The following CDK13 variants were observed in gnomAD, a reference collection of about 807,000 sequenced individuals.
CDK13 encodes cyclin-dependent kinase 13.
Under a neutral mutation model 137.6 loss-of-function variants are expected in CDK13, and 40 were observed. That is an observed-to-expected ratio of 0.29 (90% CI 0.23 to 0.38). CDK13 has a LOEUF of 0.38. Ranked by LOEUF, CDK13 falls within the 10% of genes least tolerant of loss-of-function variation. CDK13 has a pLI of 1.00. For missense variants in CDK13, 1,704 were observed against 1,951.8 expected, an observed-to-expected ratio of 0.87 and a Z score of 2.39; for synonymous variants, 869 against 760.1, an observed-to-expected ratio of 1.14 and a Z score of -2.36.
At chr7:40,077,671 A>G (rs920210552) in intron 9 of CDK13, among the ~76,000 whole-genome samples, 2 of 152,140 alleles carry the variant, frequency 1.3e-5, no homozygotes, top group Non-Finnish European at 2.9e-5. Context: ...CCTGGCCAAC[A>G]TGGGGAAATC....
Position 40,054,460 on chromosome 7 carries a change from C to T in CDK13, c.2600+6583C>T, listed in dbSNP as rs139183038. 4.2e-4 allele frequency among the ~76,000 whole-genome samples: 63 copies of T among 150,264 alleles called. 1 individual carries two copies. In the East Asian group the frequency reaches 0.01, roughly 25 times the overall value. On this transcript the variant is annotated intron_variant, in intron 7 of 13. Transcript: ENST00000181839. ...CTTTTTTTTTTTTGAGATGGAGTTTCGCTCTTGTCTCCCAAGCTGGAGTGC... is the reference window on the plus strand; with the variant it reads ...CTTTTTTTTTTTTGAGATGGAGTTTTGCTCTTGTCTCCCAAGCTGGAGTGC...
chr7:39,982,833 C>T (rs1784258129), intron 1 of CDK13, among the ~76,000 whole-genome samples: 1 of 152,178 alleles, frequency 6.6e-6, no homozygotes, highest in South Asian at 2.1e-4. Flanking sequence ...ATTGTCTGTT[C>T]ATATCCTCTG....
intron 5 of CDK13, among the ~76,000 whole-genome samples, chr7:40,021,715 T>C (rs1219402127): frequency 6.6e-6 from 1 of 152,192 alleles, no homozygotes; most frequent in Non-Finnish European, 1.5e-5. Flanking sequence ...TAATTAGAAA[T>C]ATTCAGTTAA....
At chr7:40,049,202 A>G (rs1785822082) in intron 7 of CDK13, 1 of 150,260 alleles carries the variant, frequency 6.7e-6, no homozygotes, top group South Asian at 2.1e-4. Context: ...AAAAAAAAAA[A>G]AAAAGGAAGG....
At chr7:39,997,803 G>T in intron 3 of CDK13, 139 bp downstream of exon 3, 3 of 632,462 alleles carry the variant, frequency 4.7e-6, no homozygotes, top group Non-Finnish European at 7.8e-6. Context: ...TTCTATTAGA[G>T]TTTTGAAAAA....
intron 9 of CDK13, chr7:40,070,725 A>G (rs1268683875): frequency 6.6e-6 from 1 of 152,494 alleles, no homozygotes; most frequent in Non-Finnish European, 1.5e-5. Context: ...AAACAAAACA[A>G]AACAAAAAGT....
intron 5 of CDK13, among the ~76,000 whole-genome samples, chr7:40,013,346 A>C (rs1214647227): frequency 1.3e-5 from 2 of 152,182 alleles, no homozygotes; most frequent in Non-Finnish European, 2.9e-5. Context: ...TGGTTGCACA[A>C]CAGTATGAAT....
At chr7:40,038,884 G>A (rs985021522) in intron 5 of CDK13, among the ~76,000 whole-genome samples, 1 of 151,978 alleles carries the variant, frequency 6.6e-6, no homozygotes, top group African/African-American at 2.4e-5. Context: ...TAGCAGAAAC[G>A]GGGTTTCTTC....
At chr7:40,063,174 G>GT in intron 9 of CDK13, 74 bp downstream of exon 9, 1 of 1,167,400 alleles carries the variant, frequency 8.6e-7, no homozygotes, top group Non-Finnish European at 1.3e-6. Context: ...ACTCTCCCAA[G>GT]TTTGTCTTTT....
chr7:39,966,422 T>C (rs1352928376), intron 1 of CDK13, among the ~76,000 whole-genome samples: 2 of 152,256 alleles, frequency 1.3e-5, no homozygotes, highest in Non-Finnish European at 2.9e-5. Context: ...GCTTGTGCAT[T>C]CATCACGTAG....
At chr7:40,027,774 C>G (rs914185586) in intron 5 of CDK13, among the ~76,000 whole-genome samples, 1 of 147,584 alleles carries the variant, frequency 6.8e-6, no homozygotes, top group Admixed American at 6.9e-5. Flanking sequence ...TGGAGCCTTA[C>G]AGTTCTCTTA....
In CDK13 at chr7:39,982,012, T is replaced by C. The variant is rs182664437; in HGVS notation, c.1212-5587T>C. Among the ~76,000 whole-genome samples, 657 of 151,640 alleles carry C rather than the reference T, an allele frequency of 4.3e-3. 9 individuals carry two copies. The highest frequency in any genetic ancestry group is 8.0e-3 in the Non-Finnish European group (542 of 67,918). ...TTTCTTTTTTCTTCTTTTTTTCTTT[T>C]TTTTTAATTATTATTATTATACTTT... On this transcript the variant is annotated intron_variant, in intron 1 of 13. Coordinates refer to ENST00000181839, the MANE Select transcript of CDK13 (RefSeq NM_003718.5).
chr7:40,047,323 G>A (rs1419078515), intron 6 of CDK13, among the ~76,000 whole-genome samples: 2 of 152,032 alleles, frequency 1.3e-5, no homozygotes, highest in East Asian at 1.9e-4. Context: ...GGTACTGTTT[G>A]TTAATTTAAA....
chr7:40,003,200 A>T (rs868100804), intron 5 of CDK13, among the ~76,000 whole-genome samples: 23,360 of 83,030 alleles, frequency 0.28, 2,495 homozygotes, highest in Middle Eastern at 0.41. Context: ...ACACACACAC[A>T]CACACACTCT....
At chr7:39,951,946 C>T (rs1787234926) in intron 1 of CDK13, 94 bp downstream of exon 1, 2 of 1,239,104 alleles carry the variant, frequency 1.6e-6, no homozygotes, top group South Asian at 3.3e-5. Context: ...CAGAACGACT[C>T]AGGTCCACCA....
At position 40,096,378 on chromosome 7, in the gene CDK13, G is replaced by C. The variant is rs756849656; in HGVS notation, c.*1398G>C. ...TTTTAATGAAGAGCATCAAAGAATG[G>C]AGTAGTCCTTATTTAAACTGTAATG... On this transcript the variant is annotated 3_prime_UTR_variant, in exon 14 of 14. Coordinates refer to ENST00000181839, the MANE Select transcript of CDK13 (RefSeq NM_003718.5). The C allele has an allele frequency of 6.6e-6, 1 of 151,978 alleles. No individual in the cohort carries two copies. Among genetic ancestry groups the C allele is most frequent in the Non-Finnish European group, 1.5e-5 (1 of 67,990 alleles). The allele number at this position is 151,978 out of a possible 1,614,324, so 9.4% of individuals were successfully genotyped here.
intron 2 of CDK13, among the ~76,000 whole-genome samples, chr7:39,992,224 G>GTCT (rs1784479215): frequency 6.6e-6 from 1 of 151,088 alleles, no homozygotes; most frequent in Non-Finnish European, 1.5e-5. Flanking sequence ...CCGAGATGAA[G>GTCT]TCTTGCCCTG....
intron 11 of CDK13, among the ~76,000 whole-genome samples, chr7:40,083,238 A>G (rs1405255493): frequency 1.3e-5 from 2 of 151,698 alleles, no homozygotes; most frequent in African/African-American, 4.8e-5. Context: ...TTGGGAACCA[A>G]CGCAGGAGGA....
chr7:40,011,016 G>A (rs573904572), intron 5 of CDK13, among the ~76,000 whole-genome samples: 7 of 152,096 alleles, frequency 4.6e-5, no homozygotes, highest in Non-Finnish European at 7.4e-5. Flanking sequence ...CAATGAAAAG[G>A]CATTCCATGT....
Sources: gnomAD v4.1 joint callset for allele counts (sites outside exome capture counted in the v4.1 genomes callset) on GRCh38, gnomAD v4.1.1 for gene constraint, MANE v1.5 for transcripts, NCBI Gene and HGNC (gene_info 2026-07-23, HGNC 2026-07-21) for gene names.